Variants in DRC1 observed in about 807,000 individuals in gnomAD.
The protein encoded by DRC1 is dynein regulatory complex subunit 1.
DRC1 carries 74 observed loss-of-function variants against 98.7 expected under a neutral mutation model. That is an observed-to-expected ratio of 0.75 (90% CI 0.62 to 0.91). DRC1 has a LOEUF of 0.91. Among genes scored for constraint, DRC1 ranks in the 40% least tolerant of loss-of-function variants. The pLI is 0.00. For missense variants in DRC1, 875 were observed against 886.0 expected (o/e 0.99, Z 0.16); for synonymous variants, 336 against 334.1 (o/e 1.01, Z -0.06).
intron 1 of DRC1, among the ~76,000 whole-genome samples, chr2:26,411,504 T>C (rs984467697): frequency 1.3e-5 from 2 of 152,216 alleles, no homozygotes; most frequent in African/African-American, 2.4e-5. Context: ...GGCTACCATA[T>C]TGGACAGTAC....
intron 16 of DRC1, among the ~76,000 whole-genome samples, chr2:26,455,909 G>A (rs1572390706): frequency 6.9e-6 from 1 of 145,288 alleles, no homozygotes; most frequent in Non-Finnish European, 1.5e-5. Flanking sequence ...CTGTAGGCCA[G>A]GAAGGTCGTG....
In DRC1 at chr2:26,453,376, G is replaced by A. The variant is rs148569358; in HGVS notation, c.1746G>A (p.Thr582=). ...MEKASMEETS[T]RSELELAEQT... ...AGGCGAGCATGGAGGAGACAAGCAC[G>A]AGGTCAGAATTGGAGCTGGCAGAGC... Residue 582 remains threonine, a synonymous_variant, in exon 14 of 17, where the codon ACG becomes ACA. Transcript: ENST00000288710. 9.3e-6 allele frequency: 15 copies of A among 1,614,084 alleles called. No homozygotes were observed. Among genetic ancestry groups the A allele is most frequent in the Middle Eastern group, 1.6e-4 (1 of 6,082 alleles).
chr2:26,424,906 C>T (rs540041550), intron 4 of DRC1, among the ~76,000 whole-genome samples: 2 of 152,154 alleles, frequency 1.3e-5, no homozygotes, highest in Non-Finnish European at 2.9e-5. Context: ...GAGCCGAGAT[C>T]GCACCACTGC....
intron 1 of DRC1, among the ~76,000 whole-genome samples, chr2:26,407,512 G>A (rs914834173): frequency 3.3e-5 from 5 of 152,062 alleles, no homozygotes; most frequent in African/African-American, 1.2e-4. Flanking sequence ...AAAGTTCTTA[G>A]CCCTTAGCAG....
intron 2 of DRC1, among the ~76,000 whole-genome samples, chr2:26,417,913 G>A (rs4491689): frequency 0.87 from 132,825 of 152,206 alleles, 59,108 homozygotes; most frequent in Non-Finnish European, 0.92. Flanking sequence ...ATTTTTTTAC[G>A]TCTATAATCA....
Position 26,401,941 on chromosome 2 carries a change from G to A in DRC1, c.-49G>A, listed in dbSNP as rs1289247604. The A allele has an allele frequency of 6.4e-7, 1 of 1,554,154 alleles. No homozygotes were observed. Among genetic ancestry groups the A allele is most frequent in the Non-Finnish European group, 8.7e-7 (1 of 1,148,798 alleles). On this transcript the variant is annotated 5_prime_UTR_variant, in exon 1 of 17. Transcript: ENST00000288710. ...GTTTGTTCCTAGCAACCAGCCTGAG[G>A]TCTGGAGGTGGTGCGGAGGGAGCCG...
At chr2:26,418,228 C>T (rs189018523) in intron 2 of DRC1, among the ~76,000 whole-genome samples, 3 of 151,978 alleles carry the variant, frequency 2.0e-5, no homozygotes, top group African/African-American at 7.2e-5. Flanking sequence ...TGCCTCTTCC[C>T]GGAGTCTGTC....
intron 7 of DRC1, among the ~76,000 whole-genome samples, chr2:26,438,983 A>G (rs1663643605): frequency 6.6e-6 from 1 of 152,168 alleles, no homozygotes; most frequent in South Asian, 2.1e-4. Flanking sequence ...TGATCTTTCT[A>G]CAGTGACTGG....
In DRC1 at chr2:26,454,824, G is replaced by A; in HGVS notation, c.2063+34G>A. On this transcript the variant is annotated intron_variant, in intron 15 of 16. Transcript: ENST00000288710. This position sits in a 1 kb window ranked among gnomAD's most constrained non-coding sequence, Gnocchi z 5.2. ...GCATGTCATGGAGCAGGAGGGTGCT[G>A]GCGGGCAGGTGAGGAACGGTTGTTG... is the stretch of plus-strand genomic sequence containing the variant. 1.2e-6 allele frequency: 2 copies of A among 1,613,220 alleles called. No individual in the cohort carries two copies. Among genetic ancestry groups the A allele is most frequent in the Non-Finnish European group, 1.7e-6 (2 of 1,179,504 alleles).
intron 7 of DRC1, among the ~76,000 whole-genome samples, chr2:26,432,679 A>G (rs1370148524): frequency 6.6e-6 from 1 of 152,198 alleles, no homozygotes; most frequent in African/African-American, 2.4e-5. Flanking sequence ...TCTCCTGGCA[A>G]AGGAAAAATG....
At chr2:26,430,738 C>A in intron 5 of DRC1, 48 bp from the exon 6 acceptor site, 1 of 1,593,392 alleles carries the variant, frequency 6.3e-7, no homozygotes, top group Non-Finnish European at 8.6e-7. Flanking sequence ...CTGGTGGGAC[C>A]TGCCCAATCA....
intron 4 of DRC1, 65 bp downstream of exon 4, chr2:26,424,519 G>T (rs1298510457): frequency 2.0e-6 from 3 of 1,507,232 alleles, no homozygotes; most frequent in Non-Finnish European, 2.7e-6. Flanking sequence ...TGGGTTACTG[G>T]TTTGCTTTTC....
chr2:26,411,279 T>C (rs1467965277), intron 1 of DRC1, among the ~76,000 whole-genome samples: 3 of 152,210 alleles, frequency 2.0e-5, no homozygotes, highest in Non-Finnish European at 4.4e-5. Flanking sequence ...TTGAAAGTGG[T>C]AAAAACAGAA....
rs149284367 is a variant in DRC1, at chr2:26,453,354, C to T, written c.1724C>T (p.Ala575Val). 1.3e-4 allele frequency: 212 copies of T among 1,614,090 alleles called. 3 individuals carry two copies. In the East Asian group the frequency reaches 3.2e-3, roughly 24 times the overall value. ...TGCAGTCAGGCGAGCATGGAGAAGG[C>T]GAGCATGGAGGAGACAAGCACGAGG... ...KPCSQASMEK[A>V]SMEETSTRSE... Residue 575 changes from alanine to valine, a missense_variant, in exon 14 of 17, where the codon GCG becomes GTG. Ala to Val is a moderately conservative substitution (Grantham distance 64, BLOSUM62 0). Transcript: ENST00000288710.
Position 26,440,466 on chromosome 2 carries a change from G to C in DRC1, c.977G>C (p.Arg326Thr). Residue 326 changes from arginine (R) to threonine (T), a missense_variant, in exon 8 of 17, where the codon AGA becomes ACA. Physicochemically the swap from Arg to Thr is moderately conservative, Grantham distance 71 (BLOSUM62 -1). Transcript: ENST00000288710. ...LEYNLQVLKK[R>T]DEESTVIKSQ... is the part of the protein sequence containing the mutation. ...TACAACTTGCAGGTGCTGAAGAAGAGAGATGAAGAAAGCACAGTAATTAAA... is the reference window on the plus strand; with the variant it reads ...TACAACTTGCAGGTGCTGAAGAAGACAGATGAAGAAAGCACAGTAATTAAA... 6.2e-7 allele frequency: 1 copy of C among 1,613,532 alleles called. No individual in the cohort carries two copies. Among genetic ancestry groups the C allele is most frequent in the Non-Finnish European group, 8.5e-7 (1 of 1,179,760 alleles).
intron 2 of DRC1, among the ~76,000 whole-genome samples, chr2:26,415,194 A>C (rs1558436190): frequency 6.6e-6 from 1 of 152,204 alleles, no homozygotes; most frequent in Non-Finnish European, 1.5e-5. Flanking sequence ...GCGATGAAAC[A>C]GCCCCTGGGA....
At chr2:26,415,174 A>G (rs1019472618) in intron 2 of DRC1, among the ~76,000 whole-genome samples, 6 of 152,154 alleles carry the variant, frequency 3.9e-5, no homozygotes, top group Admixed American at 3.9e-4. Context: ...ATCATTGATT[A>G]CCCTCCATGG....
chr2:26,447,299 G>A (rs1361272844), intron 10 of DRC1, among the ~76,000 whole-genome samples: 1 of 151,490 alleles, frequency 6.6e-6, no homozygotes, highest in African/African-American at 2.4e-5. Flanking sequence ...TGTAATTCCA[G>A]CTACTCAGGA....
intron 1 of DRC1, among the ~76,000 whole-genome samples, chr2:26,410,112 G>C (rs1318315626): frequency 2.0e-5 from 3 of 150,200 alleles, no homozygotes; most frequent in Admixed American, 6.6e-5. Flanking sequence ...GGAGTGTTCA[G>C]AGAAAAAAAA....
Sources: gnomAD v4.1 joint callset for allele counts (sites outside exome capture counted in the v4.1 genomes callset) on GRCh38, gnomAD v4.1.1 for gene constraint, Gnocchi (gnomAD v3.1) non-coding constraint, MANE v1.5 for transcripts, NCBI Gene and HGNC (gene_info 2026-07-23, HGNC 2026-07-21) for gene names.